Variants in CNTROB observed in about 807,000 individuals in gnomAD.
The protein encoded by CNTROB is centrobin.
CNTROB carries 82 observed loss-of-function variants against 115.7 expected under a neutral mutation model. The ratio of observed to expected loss-of-function variants is 0.71; its 90% CI spans 0.59 to 0.85. The LOEUF is 0.85. Among genes scored for constraint, CNTROB ranks in the 40% least tolerant of loss-of-function variants. CNTROB has a pLI of 0.00. For missense variants in CNTROB, 1,014 were observed against 1,144.4 expected (o/e 0.89, Z 1.64); for synonymous variants, 439 against 456.4 (o/e 0.96, Z 0.49).
chr17:7,937,401 C>A, intron 7 of CNTROB, 139 bp downstream of exon 7: 1 of 933,940 alleles, frequency 1.1e-6, no homozygotes, highest in Non-Finnish European at 1.6e-6. Flanking sequence ...CCTTAGAACA[C>A]TAATTCAGCT....
Position 7,933,128 on chromosome 17 carries a change from C to G in CNTROB, c.49C>G (p.Leu17Val), listed in dbSNP as rs1231623728. 3 of 1,614,098 alleles carry G rather than the reference C, an allele frequency of 1.9e-6. No homozygotes were observed. The highest frequency in any genetic ancestry group is 3.3e-5 in the Admixed American group (2 of 60,002). The change falls in exon 1 of 19, where the codon CTC becomes GTC. Residue 17 changes from leucine to valine, a missense_variant. Transcript: ENST00000563694. ...CAGTTCACCCCTCGGGGCGGAGGATCTCCTGAGTGATTCATCAGAACCCCC... is the reference window on the plus strand; with the variant it reads ...CAGTTCACCCCTCGGGGCGGAGGATGTCCTGAGTGATTCATCAGAACCCCC... ...SPSSPLGAED[L>V]LSDSSEPPGL...
Position 7,948,460 on chromosome 17 carries a change from G to T in CNTROB, c.2381-27G>T. On this transcript the variant is annotated intron_variant, in intron 16 of 18. Coordinates refer to ENST00000563694, the MANE Select transcript of CNTROB (RefSeq NM_053051.5). This position sits in a 1 kb window ranked among gnomAD's most constrained non-coding sequence, Gnocchi z 4.4. Reference sequence around the variant, plus strand: ...CTGGGGAGACAGGCCCTAGGATGACGCCTGTGATTATTGCGATGTCTGTCA... The same window carrying T: ...CTGGGGAGACAGGCCCTAGGATGACTCCTGTGATTATTGCGATGTCTGTCA... The T allele has an allele frequency of 6.2e-7, 1 of 1,613,834 alleles. No individual in the cohort carries two copies. Among genetic ancestry groups the T allele is most frequent in the Non-Finnish European group, 8.5e-7 (1 of 1,179,804 alleles).
At chr17:7,936,271 C>T (rs753762497) in intron 4 of CNTROB, 95 bp from the exon 5 acceptor site, 3 of 756,532 alleles carry the variant, frequency 4.0e-6, no homozygotes, top group Non-Finnish European at 4.9e-6. Flanking sequence ...AGCTTCTTGG[C>T]TCCAGCCCAC....
In CNTROB at chr17:7,932,564, A is replaced by AG. The variant is rs1972637724; in HGVS notation, c.-513dup. On this transcript the variant is annotated 5_prime_UTR_variant, in exon 1 of 19. Transcript: ENST00000563694. The stretch of plus-strand genomic sequence containing the variant: ...AGCTGACCCTGGGTAGAACGGGTGA[A>AG]GGGATGGGGGAGCGTGAGGTTCCGC... 1 of 158,208 alleles carries AG rather than the reference A, an allele frequency of 6.3e-6. No individual in the cohort carries two copies. Among genetic ancestry groups the AG allele is most frequent in the Non-Finnish European group, 1.4e-5 (1 of 72,182 alleles). 9.8% of individuals were successfully genotyped at this position (158,208 alleles called of 1,614,324 possible).
Position 7,949,412 on chromosome 17 carries a change from C to T in CNTROB, c.2614C>T (p.Leu872Phe), listed in dbSNP as rs750030251. The T allele has an allele frequency of 1.2e-6, 2 of 1,614,188 alleles. No individual in the cohort carries two copies. The highest frequency in any genetic ancestry group is 1.7e-6 in the Non-Finnish European group (2 of 1,180,034). ...TCCCTCCCAGGCTGTCCCTCGCCGC[C>T]TTGCTACAGCCCCCAAGACTGAAAA... ...EIPSQAVPRR[L>F]ATAPKTEKPP... is the part of the protein sequence containing the mutation. The change falls in exon 19 of 19, where the codon CTT becomes TTT. Residue 872 changes from leucine to phenylalanine, a missense_variant. Coordinates refer to ENST00000563694, the MANE Select transcript of CNTROB (RefSeq NM_053051.5).
At position 7,943,383 on chromosome 17, in the gene CNTROB, C is replaced by T; in HGVS notation, c.1312-8C>T. On this transcript the variant is annotated splice_polypyrimidine_tract_variant and splice_region_variant and intron_variant, in intron 9 of 18. Transcript: ENST00000563694. The surrounding 1 kb of genome is among the most constrained non-coding windows in gnomAD (Gnocchi z 4.7). ...TTTGGGCCGTTATCCCACCTTCCTT[C>T]ACTCCAGGCCCGGTATGAAAGCCAG... The T allele has an allele frequency of 1.2e-6, 2 of 1,607,912 alleles. No individual in the cohort carries two copies. Among genetic ancestry groups the T allele is most frequent in the South Asian group, 1.1e-5 (1 of 90,566 alleles).
Position 7,932,243 on chromosome 17 carries a change from G to T in CNTROB, c.-837G>T, listed in dbSNP as rs1371416129. ...AGGCTGCCAACGGTTTTGAGCGTAG[G>T]GGGAGGCGTGAGAGGGGGATCTCAG... On this transcript the variant is annotated 5_prime_UTR_variant, in exon 1 of 19. Coordinates refer to ENST00000563694, the MANE Select transcript of CNTROB (RefSeq NM_053051.5). The T allele has an allele frequency of 4.6e-6, 1 of 218,130 alleles. No individual in the cohort carries two copies. Among genetic ancestry groups the T allele is most frequent in the African/African-American group, 2.3e-5 (1 of 43,130 alleles). 13.5% of individuals were successfully genotyped at this position (218,130 alleles called of 1,614,324 possible).
chr17:7,934,621 T>C (rs1972925370), intron 3 of CNTROB, 75 bp downstream of exon 3: 1 of 1,309,574 alleles, frequency 7.6e-7, no homozygotes, highest in Non-Finnish European at 1.1e-6. Flanking sequence ...TATTTCTCCC[T>C]TTATTGCTTT....
In CNTROB at chr17:7,944,282, A is replaced by G. The variant is rs1337599489; in HGVS notation, c.1571+34A>G. Reference sequence around the variant, plus strand: ...CCCCAGAGTGCCCCTTTCAGGCCCCAGCCCCTTTCCCATGGGTAGAGCCCA... The same window carrying G: ...CCCCAGAGTGCCCCTTTCAGGCCCCGGCCCCTTTCCCATGGGTAGAGCCCA... On this transcript the variant is annotated intron_variant, in intron 11 of 18. Coordinates refer to ENST00000563694, the MANE Select transcript of CNTROB (RefSeq NM_053051.5). The surrounding 1 kb of genome is among the most constrained non-coding windows in gnomAD (Gnocchi z 4.0). 6.2e-7 allele frequency: 1 copy of G among 1,609,962 alleles called. No individual in the cohort carries two copies. Among genetic ancestry groups the G allele is most frequent in the East Asian group, 2.2e-5 (1 of 44,868 alleles).
rs1445082134 is a variant in CNTROB, at chr17:7,948,630, G to T, written c.2513+11G>T. ...GCTGGAACACAGCGGGTACAAGCCTGGGAGGAAGGAGGAAGGATTCTCCGG... is the reference window on the plus strand; with the variant it reads ...GCTGGAACACAGCGGGTACAAGCCTTGGAGGAAGGAGGAAGGATTCTCCGG... On this transcript the variant is annotated intron_variant, in intron 17 of 18. Transcript: ENST00000563694. This position sits in a 1 kb window ranked among gnomAD's most constrained non-coding sequence, Gnocchi z 4.4. 6.2e-7 allele frequency: 1 copy of T among 1,614,182 alleles called. No individual in the cohort carries two copies. The highest frequency in any genetic ancestry group is 8.5e-7 in the Non-Finnish European group (1 of 1,180,038).
rs1277292987 is a variant in CNTROB at position 7,940,101 on chromosome 17, G to T, written c.1170G>T (p.Lys390Asn). 6.3e-7 allele frequency: 1 copy of T among 1,599,494 alleles called. No homozygotes were observed. The highest frequency in any genetic ancestry group is 1.8e-5 in the Admixed American group (1 of 56,560). ...SQAQLEREKE[K>N]SQREAQAAWE... ...ATTTGATTTGTCTTTCATAGGAGAAGAGCCAGAGGGAAGCCCAGGCCGCCT... is the reference window on the plus strand; with the variant it reads ...ATTTGATTTGTCTTTCATAGGAGAATAGCCAGAGGGAAGCCCAGGCCGCCT... Residue 390 changes from lysine to asparagine, a missense_variant, in exon 9 of 19, where the codon AAG becomes AAT. Transcript: ENST00000563694.
chr17:7,942,131 G>C (rs58998618), intron 9 of CNTROB, among the ~76,000 whole-genome samples: 3 of 151,938 alleles, frequency 2.0e-5, no homozygotes. Flanking sequence ...GCTGGGTGTT[G>C]TGGCACCAGC....
At chr17:7,934,936 A>G (rs756676593) in intron 3 of CNTROB, 53 bp from the exon 4 acceptor site, 1 of 1,521,076 alleles carries the variant, frequency 6.6e-7, no homozygotes, top group Non-Finnish European at 8.8e-7. Context: ...CAGTTGGACA[A>G]GTGGATTCCA....
Position 7,947,957 on chromosome 17 carries a change from C to T in CNTROB, c.2187C>T (p.Val729=), listed in dbSNP as rs369195930. The change falls in exon 15 of 19, where the codon GTC becomes GTT. Residue 729 remains valine, a synonymous_variant. Coordinates refer to ENST00000563694, the MANE Select transcript of CNTROB (RefSeq NM_053051.5). Reference sequence around the variant, plus strand: ...CCCAGAACAATGAGAACCCTTCTGTCGACCTGTTGCCCCCTAAGTCTGGTG... The same window carrying T: ...CCCAGAACAATGAGAACCCTTCTGTTGACCTGTTGCCCCCTAAGTCTGGTG... The part of the protein sequence containing the change: ...TVPQNNENPS[V]DLLPPKSGPL... 9.0e-4 allele frequency: 1,451 copies of T among 1,613,956 alleles called. 32 individuals are homozygous for T. The South Asian group carries it at 0.014, about 16-fold the overall frequency.
At position 7,940,129 on chromosome 17, in the gene CNTROB, G is replaced by A. The variant is rs891792642; in HGVS notation, c.1198G>A (p.Glu400Lys). 12 of 1,611,118 alleles carry A rather than the reference G, an allele frequency of 7.4e-6. No individual in the cohort carries two copies. The highest frequency in any genetic ancestry group is 1.0e-5 in the Non-Finnish European group (12 of 1,178,906). ...CCAGAGGGAAGCCCAGGCCGCCTGG[G>A]AGACCCAGCACCAGTTGGCATTGGT... ...KSQREAQAAW[E>K]TQHQLALVQS... The change falls in exon 9 of 19, where the codon GAG becomes AAG. Residue 400 changes from glutamate to lysine, a missense_variant. Glu to Lys is a moderately conservative substitution (Grantham distance 56). Coordinates refer to ENST00000563694, the MANE Select transcript of CNTROB (RefSeq NM_053051.5).
rs773376150 is a variant in CNTROB, at chr17:7,944,375, T to G, written c.1572-101T>G. On this transcript the variant is annotated intron_variant, in intron 11 of 18. Transcript: ENST00000563694. This position sits in a 1 kb window ranked among gnomAD's most constrained non-coding sequence, Gnocchi z 4.0. ...TCCTCTACATGGGCCCCAGCTCCTT[T>G]CAGAATATCAGATGTCCAACATTTC... 6.4e-7 allele frequency: 1 copy of G among 1,567,410 alleles called. No individual in the cohort carries two copies. The highest frequency in any genetic ancestry group is 1.7e-5 in the Admixed American group (1 of 58,426).
Position 7,947,581 on chromosome 17 carries a change from C to T in CNTROB, c.2004C>T (p.Phe668=), listed in dbSNP as rs1180190267. The T allele has an allele frequency of 6.2e-7, 1 of 1,606,712 alleles. No homozygotes were observed. The highest frequency in any genetic ancestry group is 1.3e-5 in the African/African-American group (1 of 74,874). ...PDLTSSTAGA[F]SALGAFHPDH... ...TGTTTCACTTTATAGCTGGGGCCTT[C>T]TCTGCACTTGGGGCCTTCCATCCCG... The change falls in exon 14 of 19, where the codon TTC becomes TTT. Residue 668 remains phenylalanine (F), a synonymous_variant. Coordinates refer to ENST00000563694, the MANE Select transcript of CNTROB (RefSeq NM_053051.5).
At chr17:7,946,096 T>G (rs1974505734) in intron 13 of CNTROB, 110 bp downstream of exon 13, 3 of 968,496 alleles carry the variant, frequency 3.1e-6, no homozygotes, top group South Asian at 3.1e-5. Context: ...CCAGATGCCT[T>G]TAGTGATCGC....
Position 7,932,659 on chromosome 17 carries a change from T to G in CNTROB, c.-421T>G. The G allele has an allele frequency of 5.8e-6, 1 of 173,140 alleles. No individual in the cohort carries two copies. 10.7% of individuals were successfully genotyped at this position (173,140 alleles called of 1,614,324 possible). On this transcript the variant is annotated 5_prime_UTR_variant, in exon 1 of 19. Transcript: ENST00000563694. ...GGACAGAAATTGGGCTCCTAGTGGA[T>G]TTGGGTCCGTTTCCGTTGGGACGTT...
Sources: gnomAD v4.1 joint callset for allele counts (sites outside exome capture counted in the v4.1 genomes callset) on GRCh38, gnomAD v4.1.1 for gene constraint, Gnocchi (gnomAD v3.1) non-coding constraint, MANE v1.5 for transcripts, NCBI Gene and HGNC (gene_info 2026-07-23, HGNC 2026-07-21) for gene names.